Variants in ZFPM1 observed in about 807,000 individuals in gnomAD.
The protein encoded by ZFPM1 is zinc finger protein, FOG family member 1.
In ZFPM1, 28 loss-of-function variants were observed where a neutral mutation model predicts 46.3. The ratio of observed to expected loss-of-function variants is 0.60; its 90% CI spans 0.45 to 0.83. The LOEUF is 0.83. ZFPM1 is among the 40% of genes least tolerant of loss of function. The pLI is 0.00. For missense variants in ZFPM1, 1,878 were observed against 1,432.4 expected (o/e 1.31, Z -5.02); for synonymous variants, 957 against 675.9 (o/e 1.42, Z -6.45).
In ZFPM1 at chr16:88,534,369, C is replaced by A; in HGVS notation, c.2411C>A (p.Pro804Gln). Residue 804 changes from proline (P) to glutamine (Q), a missense_variant, in exon 10 of 10, where the codon CCG (proline) becomes CAG (glutamine). By Grantham distance (76) the Pro-to-Gln change is moderately conservative (BLOSUM62 -1). Coordinates refer to ENST00000319555, the MANE Select transcript of ZFPM1 (RefSeq NM_153813.3). ...GACCTGAGCAAGAAGCCGCGGCGCC[C>A]GCTCCCCGGAGCCCCGGCACCGGCG... ...PIDLSKKPRR[P>Q]LPGAPAPALA... is the part of the protein sequence containing the mutation. The A allele has an allele frequency of 7.0e-7, 1 of 1,436,212 alleles. No homozygotes were observed. Among genetic ancestry groups the A allele is most frequent in the Non-Finnish European group, 9.1e-7 (1 of 1,099,490 alleles). 89.0% of individuals were successfully genotyped at this position (1,436,212 alleles called of 1,614,324 possible).
chr16:88,534,050 T>A lies in ZFPM1; in HGVS notation c.2092T>A (p.Tyr698Asn). ...CNIRFSRHET[Y>N]TVHKRYYCAS... ...CATCCGCTTCAGCCGCCACGAGACC[T>A]ACACCGTGCACAAGCGGTACTACTG... Residue 698 changes from tyrosine (Y) to asparagine (N), a missense_variant, in exon 10 of 10, where the codon TAC (tyrosine) becomes AAC (asparagine). Coordinates refer to ENST00000319555, the MANE Select transcript of ZFPM1 (RefSeq NM_153813.3). 1 of 1,309,774 alleles carries A rather than the reference T, an allele frequency of 7.6e-7. No individual in the cohort carries two copies. The allele number at this position is 1,309,774 out of a possible 1,614,324, so 81.1% of individuals were successfully genotyped here.
At chr16:88,508,732 A>C (rs1408325758) in intron 3 of ZFPM1, among the ~76,000 whole-genome samples, 1 of 152,118 alleles carries the variant, frequency 6.6e-6, no homozygotes, top group Non-Finnish European at 1.5e-5. Flanking sequence ...GGGAGGAGCT[A>C]CTTAGCCTCC....
intron 5 of ZFPM1, 144 bp downstream of exon 5, chr16:88,527,060 C>A: frequency 7.5e-7 from 1 of 1,333,626 alleles, no homozygotes; most frequent in Non-Finnish European, 1.0e-6. Context: ...GGCGCTGCAG[C>A]ATGAGGCAGA....
rs376132720 is a variant in ZFPM1, at chr16:88,488,396, A to G, written c.146-635A>G. ...GATGGGCGCGATAACACAGCAGCGC[A>G]GGAGCTGTCTGCCGCTTGGCGGGTC... On this transcript the variant is annotated intron_variant, in intron 2 of 9. Coordinates refer to ENST00000319555, the MANE Select transcript of ZFPM1 (RefSeq NM_153813.3). Among the ~76,000 whole-genome samples, 170 of 152,370 alleles carry G rather than the reference A, an allele frequency of 1.1e-3. 1 individual carries two copies. Among genetic ancestry groups the G allele is most frequent in the African/African-American group, 3.9e-3 (164 of 41,594 alleles).
chr16:88,502,114 C>G (rs926519423), intron 3 of ZFPM1, among the ~76,000 whole-genome samples: 2 of 124,064 alleles, frequency 1.6e-5, no homozygotes, highest in Non-Finnish European at 3.2e-5. Flanking sequence ...TTATTTATCT[C>G]TCCTCCTTCT....
intron 1 of ZFPM1, among the ~76,000 whole-genome samples, chr16:88,472,072 C>T (rs1274987277): frequency 6.6e-6 from 1 of 152,236 alleles, no homozygotes; most frequent in Non-Finnish European, 1.5e-5. Context: ...CTCAGCTGGG[C>T]TCCCACCACC....
intron 3 of ZFPM1, among the ~76,000 whole-genome samples, chr16:88,490,252 C>T (rs1004844748): frequency 2.0e-5 from 3 of 152,114 alleles, no homozygotes; most frequent in Admixed American, 1.3e-4. Flanking sequence ...CGGGGTTTCA[C>T]CGTGTTAGCC....
At chr16:88,516,585 G>A (rs553695006) in intron 4 of ZFPM1, 127 of 398,632 alleles carry the variant, frequency 3.2e-4, no homozygotes, top group Middle Eastern at 1.3e-3. Context: ...CCTTGGCGCC[G>A]AGTGTCCAGA....
At chr16:88,455,112 G>GCGCCTATGTTCGGTT (rs1335331616) in intron 1 of ZFPM1, among the ~76,000 whole-genome samples, 10 of 151,772 alleles carry the variant, frequency 6.6e-5, no homozygotes, top group Non-Finnish European at 1.5e-4. Flanking sequence ...CCTTCCCTGA[G>GCGCCTATGTTCGGTT]CGCCTATGTT....
chr16:88,500,534 C>T (rs1394960421), intron 3 of ZFPM1, among the ~76,000 whole-genome samples: 7 of 152,260 alleles, frequency 4.6e-5, no homozygotes, highest in Non-Finnish European at 7.3e-5. Context: ...CTGGCCTGGC[C>T]GCTGTCACCT....
At chr16:88,488,325 A>G (rs1450437970) in intron 2 of ZFPM1, among the ~76,000 whole-genome samples, 1 of 152,110 alleles carries the variant, frequency 6.6e-6, no homozygotes, top group Non-Finnish European at 1.5e-5. Context: ...GAGCTGGAAA[A>G]AACAGCCAGG....
chr16:88,532,897 C>T lies in ZFPM1; in HGVS notation c.1151C>T (p.Ser384Leu), dbSNP rs772278362. The T allele has an allele frequency of 1.2e-6, 2 of 1,613,292 alleles. No homozygotes were observed. The highest frequency in any genetic ancestry group is 1.1e-5 in the South Asian group (1 of 91,092). The change falls in exon 9 of 10, where the codon TCG becomes TTG. Residue 384 changes from serine to leucine, a missense_variant. Transcript: ENST00000319555. ...CCTGGCTCCAAGGGTGAGATCTACTCGCCAGGGGCCGGACACCCAGCAACC... is the reference window on the plus strand; with the variant it reads ...CCTGGCTCCAAGGGTGAGATCTACTTGCCAGGGGCCGGACACCCAGCAACC... ...CQPGSKGEIY[S>L]PGAGHPATKL...
At position 88,494,284 on chromosome 16, in the gene ZFPM1, G is replaced by A. The variant is rs190626537; in HGVS notation, c.268+5131G>A. On this transcript the variant is annotated intron_variant, in intron 3 of 9. Transcript: ENST00000319555. ...CAGGGGCCGGGAGCAGCCACCTTGC[G>A]CTCCCCCGTCGGTGGCAGTCACCAT... Among the ~76,000 whole-genome samples the A allele has an allele frequency of 6.6e-4, 100 of 152,246 alleles. No individual in the cohort carries two copies. In the East Asian group the frequency reaches 7.0e-3, roughly 11 times the overall value.
chr16:88,477,231 G>A (rs895262878), intron 1 of ZFPM1, among the ~76,000 whole-genome samples: 12 of 152,274 alleles, frequency 7.9e-5, no homozygotes, highest in African/African-American at 1.7e-4. Context: ...TGGGCTGGGC[G>A]TGTGGGCTTT....
chr16:88,472,761 C>T (rs1407110073), intron 1 of ZFPM1, among the ~76,000 whole-genome samples: 1 of 152,278 alleles, frequency 6.6e-6, no homozygotes, highest in Non-Finnish European at 1.5e-5. Flanking sequence ...AACCCAGCAG[C>T]AGTGGGTCCC....
At chr16:88,502,081 T>TATTG (rs1910390701) in intron 3 of ZFPM1, among the ~76,000 whole-genome samples, 1 of 131,290 alleles carries the variant, frequency 7.6e-6, no homozygotes. Context: ...TTTATTTATT[T>TATTG]ATTTATTTAT....
intron 4 of ZFPM1, among the ~76,000 whole-genome samples, chr16:88,519,270 GGGAT>G (rs758724772): frequency 3.1e-4 from 40 of 129,946 alleles, no homozygotes; most frequent in Admixed American, 1.1e-3. Flanking sequence ...GATGAGTGGA[GGGAT>G]GGATGGATGG....
intron 3 of ZFPM1, among the ~76,000 whole-genome samples, chr16:88,495,324 A>G (rs1189302434): frequency 6.6e-6 from 1 of 152,166 alleles, no homozygotes; most frequent in Non-Finnish European, 1.5e-5. Flanking sequence ...TGGAGTGTGG[A>G]ATCCCCTCCC....
chr16:88,513,292 A>G (rs1192687547), intron 3 of ZFPM1: 1 of 152,240 alleles, frequency 6.6e-6, no homozygotes, highest in Non-Finnish European at 1.5e-5. Flanking sequence ...GTTCGCTGCC[A>G]TCTTATCTGC....
Sources: gnomAD v4.1 joint callset for allele counts (sites outside exome capture counted in the v4.1 genomes callset) on GRCh38, gnomAD v4.1.1 for gene constraint, MANE v1.5 for transcripts, NCBI Gene and HGNC (gene_info 2026-07-23, HGNC 2026-07-21) for gene names.